ARHGAP28: variants seen among roughly 807,000 people sequenced by gnomAD.
ARHGAP28 encodes rho GTPase-activating protein 28.
ARHGAP28 carries 56 observed loss-of-function variants against 90.7 expected under a neutral mutation model. The ratio of observed to expected loss-of-function variants is 0.62; its 90% CI spans 0.50 to 0.77. ARHGAP28 has a LOEUF of 0.77. Ranked by LOEUF, ARHGAP28 falls within the 30% of genes least tolerant of loss-of-function variation. The probability of loss-of-function intolerance (pLI) is 0.00; values close to 1 mark genes in which losing one functional copy is unlikely to be tolerated. For synonymous variants in ARHGAP28, 308 were observed against 323.3 expected (o/e 0.95, Z 0.51); for missense variants, 869 against 900.9 (o/e 0.96, Z 0.45).
intron 2 of ARHGAP28, among the ~76,000 whole-genome samples, chr18:6,831,488 C>CTTTTTTTTTT (rs76200243): frequency 1.4e-5 from 1 of 69,620 alleles, no homozygotes; most frequent in Non-Finnish European, 3.1e-5. Context: ...TTTTTTTTTT[C>CTTTTTTTTTT]TTTTTTTTTT....
At chr18:6,769,466 C>G (rs1471613073) in intron 1 of ARHGAP28, among the ~76,000 whole-genome samples, 1 of 152,180 alleles carries the variant, frequency 6.6e-6, no homozygotes, top group Non-Finnish European at 1.5e-5. Context: ...TGCATCAATG[C>G]TATTCATTTA....
intron 1 of ARHGAP28, chr18:6,790,640 AC>A (rs1186355830): frequency 1.3e-5 from 2 of 152,236 alleles, no homozygotes; most frequent in African/African-American, 4.8e-5. Context: ...TGGGGAGTCT[AC>A]CTACCTAGAT....
chr18:6,828,189 A>G (rs554652001), intron 2 of ARHGAP28, among the ~76,000 whole-genome samples: 4 of 152,296 alleles, frequency 2.6e-5, no homozygotes, highest in African/African-American at 9.6e-5. Flanking sequence ...TCTCCACCAA[A>G]AAAATACGAA....
intron 1 of ARHGAP28, among the ~76,000 whole-genome samples, chr18:6,773,468 G>A (rs1225647911): frequency 6.6e-6 from 1 of 152,188 alleles, no homozygotes; most frequent in Non-Finnish European, 1.5e-5. Flanking sequence ...ATCTTATGCA[G>A]TTCTCATAAT....
chr18:6,760,165 G>GT (rs1600158992), intron 1 of ARHGAP28, among the ~76,000 whole-genome samples: 2 of 152,148 alleles, frequency 1.3e-5, no homozygotes, highest in African/African-American at 2.4e-5. Flanking sequence ...GAACAGATAG[G>GT]TTTTTTCCGC....
At chr18:6,900,394 C>T (rs1358175165) in intron 16 of ARHGAP28, among the ~76,000 whole-genome samples, 1 of 152,122 alleles carries the variant, frequency 6.6e-6, no homozygotes, top group Non-Finnish European at 1.5e-5. Context: ...CAAAAAGTAC[C>T]TCCACAAGCA....
At chr18:6,854,559 G>T (rs1237201077) in intron 4 of ARHGAP28, among the ~76,000 whole-genome samples, 1 of 152,068 alleles carries the variant, frequency 6.6e-6, no homozygotes, top group Non-Finnish European at 1.5e-5. Context: ...TGCTTCAATT[G>T]AATAGCTCCT....
chr18:6,731,175 A>C (rs1287471906), intron 1 of ARHGAP28, among the ~76,000 whole-genome samples: 1 of 152,178 alleles, frequency 6.6e-6, no homozygotes, highest in Non-Finnish European at 1.5e-5. Flanking sequence ...TATACTTTTA[A>C]AGGCTGCTCG....
chr18:6,868,011 C>T (rs757411328), intron 5 of ARHGAP28, 139 bp from the exon 6 acceptor site: 42 of 655,140 alleles, frequency 6.4e-5, no homozygotes, highest in South Asian at 8.1e-5. Flanking sequence ...AATCAGATGC[C>T]GGTCCTTTAT....
intron 4 of ARHGAP28, among the ~76,000 whole-genome samples, chr18:6,854,117 A>G (rs2056933173): frequency 6.6e-6 from 1 of 152,074 alleles, no homozygotes; most frequent in South Asian, 2.1e-4. Context: ...TATATTAGGA[A>G]CATATGACAA....
At chr18:6,852,477 A>T (rs1029777212) in intron 4 of ARHGAP28, among the ~76,000 whole-genome samples, 1 of 152,228 alleles carries the variant, frequency 6.6e-6, no homozygotes, top group Non-Finnish European at 1.5e-5. Context: ...TCATACCATT[A>T]GTTAAAAATT....
At chr18:6,869,324 G>A (rs751689341) in intron 6 of ARHGAP28, among the ~76,000 whole-genome samples, 3 of 132,906 alleles carry the variant, frequency 2.3e-5, no homozygotes, top group African/African-American at 5.7e-5. Flanking sequence ...GCAGTAGCAC[G>A]ATCTCAGCTC....
intron 14 of ARHGAP28, among the ~76,000 whole-genome samples, chr18:6,892,895 T>A (rs112315764): frequency 5.9e-4 from 90 of 152,376 alleles, no homozygotes; most frequent in African/African-American, 1.9e-3. Context: ...TAATTCTGCC[T>A]GAGTCCTCAC....
intron 2 of ARHGAP28, among the ~76,000 whole-genome samples, chr18:6,827,690 G>T (rs932001159): frequency 4.0e-5 from 6 of 151,386 alleles, no homozygotes; most frequent in African/African-American, 1.5e-4. Flanking sequence ...GGGCGGAGAC[G>T]CTTCTCACTT....
In ARHGAP28 at chr18:6,729,833, G is replaced by A. The variant is rs1600132462; in HGVS notation, c.12G>A (p.Glu4=). ...ATGCGCGGCTGACGATGGAGGTGGA[G>A]GACTCGGGCGGCGTGGTGCTGACCG... is the stretch of plus-strand genomic sequence containing the variant. MEV[E]DSGGVVLTAY... The change falls in exon 1 of 18, where the codon GAG becomes GAA. Residue 4 remains glutamate (E), a synonymous_variant. Coordinates refer to ENST00000383472, the MANE Select transcript of ARHGAP28 (RefSeq NM_001366230.1). 4 of 1,422,092 alleles carry A rather than the reference G, an allele frequency of 2.8e-6. No homozygotes were observed. The highest frequency in any genetic ancestry group is 3.1e-5 in the East Asian group (1 of 32,604). 88.1% of individuals were successfully genotyped at this position (1,422,092 alleles called of 1,614,324 possible). A position where few individuals can be genotyped will look rare whatever the true frequency, so the allele number is the denominator to read the frequency against.
At chr18:6,890,384 G>GC in intron 13 of ARHGAP28, 46 bp from the exon 14 acceptor site, 1 of 1,278,906 alleles carries the variant, frequency 7.8e-7, no homozygotes, top group Non-Finnish European at 1.1e-6. Flanking sequence ...TAGGGAGTTT[G>GC]AATTCAAGTG....
chr18:6,784,971 C>G (rs750123795), intron 1 of ARHGAP28, among the ~76,000 whole-genome samples: 5 of 152,190 alleles, frequency 3.3e-5, no homozygotes, highest in Non-Finnish European at 7.3e-5. Flanking sequence ...GCAGCAAATG[C>G]CTGTGGACAA....
At chr18:6,794,664 C>G (rs1413499936) in intron 1 of ARHGAP28, among the ~76,000 whole-genome samples, 1 of 151,870 alleles carries the variant, frequency 6.6e-6, no homozygotes, top group Non-Finnish European at 1.5e-5. Context: ...ACTCTGAATT[C>G]TAAAATCACA....
In ARHGAP28 at chr18:6,739,063, C is replaced by T. The variant is rs1600140976; in HGVS notation, c.122+9120C>T. On this transcript the variant is annotated intron_variant, in intron 1 of 17. Transcript: ENST00000383472. ...TATTCTTTAAAACTGTTTTGTGACA[C>T]AGGAAGAAACTGAAGCACAGAGAAG... Among the ~76,000 whole-genome samples, 3 of 152,292 alleles carry T rather than the reference C, an allele frequency of 2.0e-5. No homozygotes were observed. The South Asian group carries it at 6.2e-4, about 32-fold the overall frequency.
Sources: gnomAD v4.1 joint callset for allele counts (sites outside exome capture counted in the v4.1 genomes callset) on GRCh38, gnomAD v4.1.1 for gene constraint, MANE v1.5 for transcripts, NCBI Gene and HGNC (gene_info 2026-07-23, HGNC 2026-07-21) for gene names.